VPS16: variants seen among roughly 807,000 people sequenced by gnomAD.
VPS16 encodes VPS16 core subunit of CORVET and HOPS complexes, also known as vacuolar protein sorting-associated protein 16 homolog.
A neutral mutation model predicts 116.0 loss-of-function variants in VPS16; 82 were observed. The ratio of observed to expected loss-of-function variants is 0.71; its 90% CI spans 0.59 to 0.85. The LOEUF (loss-of-function observed/expected upper bound fraction) is 0.85. VPS16 is among the 40% of genes least tolerant of loss of function. The pLI, the probability that VPS16 is intolerant of heterozygous loss-of-function variation, is 0.00. For synonymous variants in VPS16, 406 were observed against 420.7 expected, an observed-to-expected ratio of 0.96 and a Z score of 0.43; for missense variants, 928 against 1,090.6, an observed-to-expected ratio of 0.85 and a Z score of 2.10.
chr20:2,855,134 T>A (rs372754648), intron 1 of VPS16, among the ~76,000 whole-genome samples: 2 of 151,916 alleles, frequency 1.3e-5, no homozygotes, highest in Non-Finnish European at 2.9e-5. Flanking sequence ...CTAATTTTTG[T>A]ATTTTTAGTA....
intron 2 of VPS16, 51 bp downstream of exon 2, chr20:2,859,858 A>T (rs1262077106): frequency 6.4e-7 from 1 of 1,570,834 alleles, no homozygotes. Flanking sequence ...GATGAACTCA[A>T]GGTCCTTGAT....
chr20:2,859,864 T>C (rs1254070120), intron 2 of VPS16, 57 bp downstream of exon 2: 5 of 1,560,502 alleles, frequency 3.2e-6, no homozygotes, highest in Non-Finnish European at 4.4e-6. Context: ...CTCAAGGTCC[T>C]TGATTCCTGG....
chr20:2,843,417 G>C (rs138763982), intron 1 of VPS16, among the ~76,000 whole-genome samples: 1 of 151,290 alleles, frequency 6.6e-6, no homozygotes, highest in African/African-American at 2.4e-5. Context: ...GGGCAACAGA[G>C]CAAGACTCCA....
In VPS16 at chr20:2,860,435, C is replaced by T. The variant is rs77463167; in HGVS notation, c.370-14C>T. ...ACCCTGTGGCTCCCTTAACCCATGG[C>T]CCCCTTTCCTCAGGAAGTGCTCCAG... On this transcript the variant is annotated splice_polypyrimidine_tract_variant and intron_variant, in intron 4 of 23. Coordinates refer to ENST00000380445, the MANE Select transcript of VPS16 (RefSeq NM_022575.4). The surrounding 1 kb of genome is among the most constrained non-coding windows in gnomAD (Gnocchi z 6.1). 6,480 of 1,614,030 alleles carry T rather than the reference C, an allele frequency of 4.0e-3. 27 individuals are homozygous for T. Among genetic ancestry groups the T allele is most frequent in the Non-Finnish European group, 3.3e-3 (3,891 of 1,179,996 alleles).
At chr20:2,862,018 T>A (rs2089233819) in intron 10 of VPS16, 36 bp from the exon 11 acceptor site, 1 of 1,611,796 alleles carries the variant, frequency 6.2e-7, no homozygotes, top group East Asian at 2.2e-5. Context: ...AGGGTTTCCC[T>A]GCCTTTCTCC....
chr20:2,860,356 AG>A lies in VPS16; in HGVS notation c.359del (p.Ser120ThrfsTer91). The A allele has an allele frequency of 6.2e-7, 1 of 1,614,170 alleles. No individual in the cohort carries two copies. Among genetic ancestry groups the A allele is most frequent in the Non-Finnish European group, 8.5e-7 (1 of 1,180,020 alleles). The part of the protein sequence containing the change: ...GLHGDFRRHF[S>X]MGNEVLQNRV... ...TCATGGTGACTTCCGGAGACACTTC[AG>A]CATGGGCAATGTAGGGGTCACAGAG... On this transcript the variant is annotated frameshift_variant, in exon 4 of 24. Coordinates refer to ENST00000380445, the MANE Select transcript of VPS16 (RefSeq NM_022575.4). LOFTEE classifies it high-confidence loss of function. This position sits in a 1 kb window ranked among gnomAD's most constrained non-coding sequence, Gnocchi z 6.1.
chr20:2,842,050 C>T (rs1409876884), intron 1 of VPS16, among the ~76,000 whole-genome samples: 2 of 152,148 alleles, frequency 1.3e-5, no homozygotes, highest in Non-Finnish European at 2.9e-5. Flanking sequence ...CCACTGAGCC[C>T]GGCCAAAAGC....
At chr20:2,853,412 A>C (rs200517544) in intron 1 of VPS16, among the ~76,000 whole-genome samples, 72,490 of 151,530 alleles carry the variant, frequency 0.48, 19,429 homozygotes, top group African/African-American at 0.73. Context: ...AACAACAAAA[A>C]AAAAAAACCC....
intron 1 of VPS16, among the ~76,000 whole-genome samples, chr20:2,846,922 G>A (rs1048494181): frequency 6.6e-6 from 1 of 152,172 alleles, no homozygotes; most frequent in African/African-American, 2.4e-5. Context: ...TCCATTTACT[G>A]CTGCTGAGAT....
intron 1 of VPS16, 32 bp downstream of exon 1, chr20:2,840,859 G>A: frequency 6.6e-7 from 1 of 1,506,168 alleles, no homozygotes; most frequent in Non-Finnish European, 8.9e-7. Flanking sequence ...CCCACGGCCT[G>A]GCTTACCCTG....
At chr20:2,853,324 C>T (rs746110424) in intron 1 of VPS16, among the ~76,000 whole-genome samples, 4 of 151,928 alleles carry the variant, frequency 2.6e-5, no homozygotes, top group Admixed American at 6.6e-5. Context: ...GGGAAGCAGA[C>T]GTTGCAGTGA....
intron 1 of VPS16, among the ~76,000 whole-genome samples, chr20:2,859,473 C>G (rs1222558336): frequency 6.6e-6 from 1 of 152,154 alleles, no homozygotes; most frequent in African/African-American, 2.4e-5. Flanking sequence ...TGGACACTTG[C>G]CCCAAGAACC....
rs867687778 is a variant in VPS16 at position 2,860,665 on chromosome 20, A to G, written c.514+72A>G. The G allele has an allele frequency of 1.2e-6, 2 of 1,610,090 alleles. No individual in the cohort carries two copies. ...GCCTCTAGCCTGTGAGACCCATAAA[A>G]ACAGAAGCTGTGGCTAGAGACCCAT... On this transcript the variant is annotated intron_variant, in intron 5 of 23. Transcript: ENST00000380445. This position sits in a 1 kb window ranked among gnomAD's most constrained non-coding sequence, Gnocchi z 6.1.
intron 1 of VPS16, among the ~76,000 whole-genome samples, chr20:2,850,830 GGCATGGTGGT>G (rs1026359797): frequency 5.3e-5 from 8 of 151,352 alleles, no homozygotes; most frequent in African/African-American, 1.9e-4. Context: ...AAAACAGCTG[GGCATGGTGGT>G]GCACACTTGT....
intron 1 of VPS16, among the ~76,000 whole-genome samples, chr20:2,853,068 A>G (rs2089137376): frequency 6.6e-6 from 1 of 152,210 alleles, no homozygotes; most frequent in African/African-American, 2.4e-5. Context: ...TCATTTCAAC[A>G]GTGTTCACAA....
chr20:2,849,167 T>G (rs1311510634), intron 1 of VPS16, among the ~76,000 whole-genome samples: 1 of 152,230 alleles, frequency 6.6e-6, no homozygotes, highest in Non-Finnish European at 1.5e-5. Context: ...ATCTCATTGT[T>G]TCCTATCAGT....
At chr20:2,850,820 A>G (rs995265553) in intron 1 of VPS16, among the ~76,000 whole-genome samples, 1 of 151,536 alleles carries the variant, frequency 6.6e-6, no homozygotes, top group Non-Finnish European at 1.5e-5. Flanking sequence ...AAAAACAAAA[A>G]AAACAGCTGG....
chr20:2,845,007 G>GGGGT lies in VPS16; in HGVS notation c.53+4181_53+4182insGGTG, dbSNP rs1555795975. On this transcript the variant is annotated intron_variant, in intron 1 of 23. Transcript: ENST00000380445. The stretch of plus-strand genomic sequence containing the variant: ...GGTTGATGTAATTGGATTTGCAAGG[G>GGGGT]GTGTGTGTGTGTGTGTGTGTGTGTG... Among the ~76,000 whole-genome samples, 30 of 144,112 alleles carry GGGGT rather than the reference G, an allele frequency of 2.1e-4. No homozygotes were observed. The East Asian group carries it at 2.5e-3, about 12-fold the overall frequency. The allele number at this position is 144,112 out of a possible 152,430, so 94.5% of individuals were successfully genotyped here. A position where few individuals can be genotyped will look rare whatever the true frequency, so the allele number is the denominator to read the frequency against.
chr20:2,864,154 CTG>C lies in VPS16; in HGVS notation c.1612-22_1612-21del. The C allele has an allele frequency of 1.9e-6, 3 of 1,614,138 alleles. No individual in the cohort carries two copies. The highest frequency in any genetic ancestry group is 2.5e-6 in the Non-Finnish European group (3 of 1,179,956). On this transcript the variant is annotated intron_variant, in intron 16 of 23. Coordinates refer to ENST00000380445, the MANE Select transcript of VPS16 (RefSeq NM_022575.4). The surrounding 1 kb of genome is among the most constrained non-coding windows in gnomAD (Gnocchi z 5.2). ...GGGCCCCCATGCCAGCTCCTTCTCT[CTG>C]TGCCTTCCTTCTCACCTCACAGCTG...
Sources: allele counts gnomAD v4.1 joint callset (sites outside exome capture counted in the v4.1 genomes callset), GRCh38; gene constraint gnomAD v4.1.1; non-coding constraint Gnocchi (gnomAD v3.1); transcripts MANE v1.5; gene names NCBI Gene and HGNC (gene_info 2026-07-23, HGNC 2026-07-21).